RBBP8NL: variants seen among roughly 807,000 people sequenced by gnomAD.
The protein encoded by RBBP8NL is RBBP8 N-terminal-like protein.
RBBP8NL carries 59 observed loss-of-function variants against 62.2 expected under a neutral mutation model. The observed-to-expected ratio is 0.95, with a 90% CI of 0.77 to 1.18. The LOEUF is 1.18. RBBP8NL is among the 50% of genes most tolerant of loss of function. The pLI is 0.00. For missense variants in RBBP8NL, 896 were observed against 899.5 expected, an observed-to-expected ratio of 1.00 and a Z score of 0.05; for synonymous variants, 412 against 394.1, an observed-to-expected ratio of 1.05 and a Z score of -0.54.
chr20:62,422,928 G>A (rs1250766870), intron 1 of RBBP8NL, among the ~76,000 whole-genome samples: 1 of 152,030 alleles, frequency 6.6e-6, no homozygotes, highest in Non-Finnish European at 1.5e-5. Flanking sequence ...TGGGCTTTGG[G>A]GCCTCCAGCC....
chr20:62,414,309 C>A lies in RBBP8NL; in HGVS notation c.1042G>T (p.Asp348Tyr), dbSNP rs3810553. ...GLPSALAGMQ[D>Y]LRLEGALHLL... ...TGCAGTGCCCCCTCCAGGCGAAGGT[C>A]CTGCATGCCCGCCAGGGCACTGGGC... Residue 348 changes from aspartate to tyrosine, a missense_variant, in exon 10 of 14, where the codon GAC (aspartate) becomes TAC (tyrosine). Physicochemically the swap from Asp to Tyr is radical, Grantham distance 160. Transcript: ENST00000252998. 1 of 1,564,188 alleles carries A rather than the reference C, an allele frequency of 6.4e-7. No individual in the cohort carries two copies. Among genetic ancestry groups the A allele is most frequent in the African/African-American group, 1.4e-5 (1 of 74,062 alleles).
At chr20:62,413,787 A>G (rs771636328) in intron 10 of RBBP8NL, 34 bp downstream of exon 10, 1 of 1,548,656 alleles carries the variant, frequency 6.5e-7, no homozygotes, top group South Asian at 1.2e-5. Flanking sequence ...GTGGAGGCTG[A>G]GGACCGGGTC....
At chr20:62,424,886 C>A (rs1461058408) in intron 1 of RBBP8NL, among the ~76,000 whole-genome samples, 2 of 152,164 alleles carry the variant, frequency 1.3e-5, no homozygotes, top group African/African-American at 4.8e-5. Flanking sequence ...AGGGTGCACC[C>A]CCCCCACCCG....
intron 1 of RBBP8NL, among the ~76,000 whole-genome samples, chr20:62,425,955 G>C (rs534699971): frequency 2.0e-5 from 3 of 151,746 alleles, no homozygotes; most frequent in African/African-American, 4.8e-5. Context: ...GTGGCAGTGG[G>C]AGTGGCATAG....
Position 62,414,461 on chromosome 20 carries a change from G to A in RBBP8NL, c.890C>T (p.Ser297Phe). The stretch of plus-strand genomic sequence containing the variant: ...GCTGTGGGGGCTCTGAAGGTGCAGG[G>A]ACAGGGGGCGGTTTAGGAGGCAGAG... ...DRLCLLNRPL[S>F]LHLQSPHSSP... The change falls in exon 10 of 14, where the codon TCC becomes TTC. Residue 297 changes from serine to phenylalanine, a missense_variant. Ser to Phe is a radical substitution (Grantham distance 155). Coordinates refer to ENST00000252998, the MANE Select transcript of RBBP8NL (RefSeq NM_080833.3). 1 of 1,488,434 alleles carries A rather than the reference G, an allele frequency of 6.7e-7. No homozygotes were observed. The highest frequency in any genetic ancestry group is 9.0e-7 in the Non-Finnish European group (1 of 1,115,692). The allele number at this position is 1,488,434 out of a possible 1,614,324, so 92.2% of individuals were successfully genotyped here.
At chr20:62,413,294 G>T in intron 11 of RBBP8NL, 107 bp downstream of exon 11, 1 of 1,309,734 alleles carries the variant, frequency 7.6e-7, no homozygotes, top group Non-Finnish European at 1.0e-6. Context: ...CGGCAGGGCA[G>T]AGCTGGGCCT....
Position 62,412,648 on chromosome 20 carries a change from G to C in RBBP8NL, c.1852C>G (p.Arg618Gly), listed in dbSNP as rs772695460. The change falls in exon 13 of 14, where the codon CGG becomes GGG. Residue 618 changes from arginine to glycine, a missense_variant. Coordinates refer to ENST00000252998, the MANE Select transcript of RBBP8NL (RefSeq NM_080833.3). ...HGQGPPRKRK[R>G]ASEPGDKASK... ...CCTTTGTCCCCAGGCTCCGAGGCCCGCTTCCTCTTCCGTGGTGGACCCTGC... is the reference window on the plus strand; with the variant it reads ...CCTTTGTCCCCAGGCTCCGAGGCCCCCTTCCTCTTCCGTGGTGGACCCTGC... 1 of 1,606,168 alleles carries C rather than the reference G, an allele frequency of 6.2e-7. No individual in the cohort carries two copies. The highest frequency in any genetic ancestry group is 8.5e-7 in the Non-Finnish European group (1 of 1,179,884).
At chr20:62,411,093 G>A (rs546890830) in intron 13 of RBBP8NL, 97 bp from the exon 14 acceptor site, 18 of 771,500 alleles carry the variant, frequency 2.3e-5, no homozygotes, top group Non-Finnish European at 2.9e-5. Flanking sequence ...CTCTGGGCAC[G>A]GGGAGCTGGG....
At chr20:62,420,344 C>T (rs1310656862) in intron 1 of RBBP8NL, among the ~76,000 whole-genome samples, 1 of 138,680 alleles carries the variant, frequency 7.2e-6, no homozygotes, top group Non-Finnish European at 1.5e-5. Context: ...CAATCCTGTC[C>T]CACAGGCACA....
chr20:62,415,065 GCT>G, intron 9 of RBBP8NL, 54 bp downstream of exon 9: 9 of 1,407,434 alleles, frequency 6.4e-6, no homozygotes, highest in Non-Finnish European at 8.4e-6. Context: ...GGGACCAGGG[GCT>G]GAGAGAAGAG....
intron 11 of RBBP8NL, among the ~76,000 whole-genome samples, chr20:62,413,117 G>A (rs575237258): frequency 1.6e-4 from 25 of 152,392 alleles, no homozygotes; most frequent in Non-Finnish European, 3.4e-4. Flanking sequence ...CCCTGGCTTG[G>A]ATGCTGCATG....
At chr20:62,418,533 C>G in intron 2 of RBBP8NL, 68 bp from the exon 3 acceptor site, 1 of 1,443,726 alleles carries the variant, frequency 6.9e-7, no homozygotes, top group Admixed American at 2.0e-5. Flanking sequence ...GTCCCCACCA[C>G]GGGGTCTGGG....
chr20:62,420,499 G>A (rs1331503560), intron 1 of RBBP8NL, among the ~76,000 whole-genome samples: 1 of 151,698 alleles, frequency 6.6e-6, no homozygotes, highest in African/African-American at 2.4e-5. Context: ...CACACAGCAT[G>A]TATACACACA....
At chr20:62,412,936 G>C in intron 11 of RBBP8NL, 36 bp from the exon 12 acceptor site, 3 of 1,608,818 alleles carry the variant, frequency 1.9e-6, no homozygotes, top group Non-Finnish European at 2.5e-6. Flanking sequence ...GGCCAGGCTG[G>C]TGGCACCGGG....
chr20:62,416,047 G>C, intron 6 of RBBP8NL, 102 bp from the exon 7 acceptor site: 3 of 1,459,966 alleles, frequency 2.1e-6, no homozygotes, highest in Non-Finnish European at 2.8e-6. Flanking sequence ...TGACGCAGCT[G>C]TCCCGACACT....
intron 9 of RBBP8NL, 89 bp from the exon 10 acceptor site, chr20:62,414,645 A>C: frequency 7.4e-7 from 1 of 1,347,820 alleles, no homozygotes; most frequent in Admixed American, 3.3e-5. Context: ...ACAGGCACCC[A>C]CTCCACAGGC....
chr20:62,421,546 G>A (rs1988700873), intron 1 of RBBP8NL, among the ~76,000 whole-genome samples: 1 of 148,256 alleles, frequency 6.7e-6, no homozygotes, highest in South Asian at 2.2e-4. Flanking sequence ...ACCCAAGTCA[G>A]TGTGCATGTG....
In RBBP8NL at chr20:62,416,245, G is replaced by A. The variant is rs772713951; in HGVS notation, c.314-9C>T. ...CCCGTTCATCTCGTTGGCTGCAAAA[G>A]GCACTGATGAGCAAAGCAGCCAGGG... On this transcript the variant is annotated splice_polypyrimidine_tract_variant and intron_variant, in intron 5 of 13. Coordinates refer to ENST00000252998, the MANE Select transcript of RBBP8NL (RefSeq NM_080833.3). The A allele has an allele frequency of 2.6e-6, 4 of 1,568,474 alleles. No individual in the cohort carries two copies. Among genetic ancestry groups the A allele is most frequent in the South Asian group, 2.2e-5 (2 of 89,860 alleles).
Position 62,412,613 on chromosome 20 carries a change from G to A in RBBP8NL, c.1876+11C>T. The A allele has an allele frequency of 6.2e-7, 1 of 1,601,854 alleles. No homozygotes were observed. Among genetic ancestry groups the A allele is most frequent in the South Asian group, 1.1e-5 (1 of 90,906 alleles). Reference sequence around the variant, plus strand: ...GCCCCCTTCCCTGCACCTGCCCCATGCCAGCTGTACCTTTGTCCCCAGGCT... The same window carrying A: ...GCCCCCTTCCCTGCACCTGCCCCATACCAGCTGTACCTTTGTCCCCAGGCT... On this transcript the variant is annotated intron_variant, in intron 13 of 13. Transcript: ENST00000252998.
Sources: allele counts gnomAD v4.1 joint callset (sites outside exome capture counted in the v4.1 genomes callset), GRCh38; gene constraint gnomAD v4.1.1; transcripts MANE v1.5; gene names NCBI Gene and HGNC (gene_info 2026-07-23, HGNC 2026-07-21).